XRN1: variants seen among roughly 807,000 people sequenced by gnomAD.
XRN1 encodes the protein 5'-3' exoribonuclease 1.
Under a neutral mutation model 222.3 loss-of-function variants are expected in XRN1, and 67 were observed. The observed-to-expected ratio is 0.30, with a 90% confidence interval of 0.25 to 0.37. XRN1 has a LOEUF of 0.37. Ranked by LOEUF, XRN1 falls within the 10% of genes least tolerant of loss-of-function variation. The pLI is 1.00. For missense variants in XRN1, 1,707 were observed against 2,000.2 expected, an observed-to-expected ratio of 0.85 and a Z score of 2.80; for synonymous variants, 643 against 652.4, an observed-to-expected ratio of 0.99 and a Z score of 0.22.
chr3:142,429,123 T>C (rs2069397555), intron 2 of XRN1, among the ~76,000 whole-genome samples: 1 of 151,828 alleles, frequency 6.6e-6, no homozygotes, highest in East Asian at 1.9e-4. Context: ...GAAAGAAGTA[T>C]TCTTTGGATT....
chr3:142,439,296 A>G (rs2070085970), intron 1 of XRN1, among the ~76,000 whole-genome samples: 1 of 152,206 alleles, frequency 6.6e-6, no homozygotes, highest in Admixed American at 6.5e-5. Flanking sequence ...AGTTAGGTCA[A>G]TGATAGGATG....
rs190062814 is a variant in XRN1, at chr3:142,382,709, T to C, written c.2616+591A>G. On this transcript the variant is annotated intron_variant, in intron 22 of 40. Coordinates refer to ENST00000392981, the MANE Select transcript of XRN1 (RefSeq NM_001282857.2). ...ATCTGGGTGGTACATGTGCTCATTG[T>C]GCTAAGGTGTCTTTGCTTCTTATTC... 2.6e-5 allele frequency among the ~76,000 whole-genome samples: 4 copies of C among 152,264 alleles called. No homozygotes were observed. The East Asian group carries it at 5.8e-4, about 22-fold the overall frequency.
intron 30 of XRN1, among the ~76,000 whole-genome samples, chr3:142,358,083 C>T (rs1361274597): frequency 2.0e-5 from 3 of 151,744 alleles, no homozygotes; most frequent in East Asian, 1.9e-4. Context: ...AACAAAAAAA[C>T]GAAAACTATG....
intron 20 of XRN1, among the ~76,000 whole-genome samples, chr3:142,394,682 C>T (rs901399858): frequency 6.6e-6 from 1 of 152,234 alleles, no homozygotes; most frequent in Non-Finnish European, 1.5e-5. Context: ...TTTAAGAATC[C>T]ATCTCCTTCC....
chr3:142,379,175 G>A (rs899170977), intron 23 of XRN1, among the ~76,000 whole-genome samples: 1 of 152,146 alleles, frequency 6.6e-6, no homozygotes, highest in Non-Finnish European at 1.5e-5. Context: ...GGAGGCTGAG[G>A]CAGGAGAATC....
chr3:142,383,405 T>C lies in XRN1; in HGVS notation c.2511A>G (p.Arg837=). Residue 837 remains arginine (R), a synonymous_variant, in exon 22 of 41, where the codon CGA becomes CGG. Coordinates refer to ENST00000392981, the MANE Select transcript of XRN1 (RefSeq NM_001282857.2). The part of the protein sequence containing the change: ...FVYQTIVKDI[R]AFDSRFSNIK... Reference sequence around the variant, plus strand: ...TATTGGAGAAACGGGAGTCGAAAGCTCGGATGTCCTACATAAAATAAAAGT... The same window carrying C: ...TATTGGAGAAACGGGAGTCGAAAGCCCGGATGTCCTACATAAAATAAAAGT... 6.2e-7 allele frequency: 1 copy of C among 1,611,230 alleles called. No individual in the cohort carries two copies. Among genetic ancestry groups the C allele is most frequent in the Non-Finnish European group, 8.5e-7 (1 of 1,178,636 alleles).
In XRN1 at chr3:142,437,604, T is replaced by A. The variant is rs76774118; in HGVS notation, c.76-4711A>T. 6.8e-3 allele frequency among the ~76,000 whole-genome samples: 1,029 copies of A among 152,302 alleles called. 16 individuals carry two copies. Among genetic ancestry groups the A allele is most frequent in the African/African-American group, 0.023 (973 of 41,566 alleles). On this transcript the variant is annotated intron_variant, in intron 1 of 40. Transcript: ENST00000392981. ...TTTACAAGCTACTACAAGAAAACAT[T>A]GAGGAAAATCTCTAGGACATTGGTC...
At chr3:142,332,674 G>GA (rs368630678) in intron 35 of XRN1, 140 bp from the exon 36 acceptor site, 42,344 of 607,630 alleles carry the variant, frequency 0.07, 42 homozygotes, top group East Asian at 0.092. Flanking sequence ...GATAGAAACT[G>GA]AAAAAAAAAA....
chr3:142,325,498 G>A (rs1318985415), intron 37 of XRN1, among the ~76,000 whole-genome samples: 1 of 151,960 alleles, frequency 6.6e-6, no homozygotes, highest in Non-Finnish European at 1.5e-5. Context: ...TATTGCATTT[G>A]CCCACTATCA....
intron 29 of XRN1, among the ~76,000 whole-genome samples, chr3:142,362,696 C>T (rs1486914084): frequency 1.3e-5 from 2 of 148,720 alleles, no homozygotes; most frequent in African/African-American, 5.0e-5. Flanking sequence ...TTTTCTCTCC[C>T]TCCCTTCTTT....
intron 25 of XRN1, among the ~76,000 whole-genome samples, chr3:142,373,291 C>T (rs561460567): frequency 6.6e-6 from 1 of 151,380 alleles, no homozygotes; most frequent in Non-Finnish European, 1.5e-5. Context: ...AATGAATTTC[C>T]CAAAGTAGAA....
At chr3:142,435,688 T>C (rs1375581546) in intron 1 of XRN1, among the ~76,000 whole-genome samples, 1 of 137,620 alleles carries the variant, frequency 7.3e-6, no homozygotes, top group African/African-American at 2.8e-5. Flanking sequence ...ACCTGGGAGG[T>C]GGAGGTTCCA....
At chr3:142,445,651 C>T (rs1300290767) in intron 1 of XRN1, among the ~76,000 whole-genome samples, 1 of 152,174 alleles carries the variant, frequency 6.6e-6, no homozygotes, top group Non-Finnish European at 1.5e-5. Context: ...CTTCTTGTCT[C>T]TATTGTCCCT....
At chr3:142,357,175 G>C in intron 30 of XRN1, 56 bp from the exon 31 acceptor site, 1 of 1,505,596 alleles carries the variant, frequency 6.6e-7, no homozygotes, top group Non-Finnish European at 9.0e-7. Context: ...ATGTGTTAGG[G>C]AGAAAAGTCA....
chr3:142,355,551 C>T, intron 31 of XRN1, 55 bp from the exon 32 acceptor site: 7 of 1,148,164 alleles, frequency 6.1e-6, no homozygotes, highest in Non-Finnish European at 7.6e-6. Flanking sequence ...AATAAAAATA[C>T]ATATTAAAAA....
intron 33 of XRN1, among the ~76,000 whole-genome samples, chr3:142,336,352 AT>A (rs370880510): frequency 8.6e-5 from 13 of 151,930 alleles, no homozygotes; most frequent in African/African-American, 3.1e-4. Flanking sequence ...ACTATAACTT[AT>A]TTTTACCACT....
At chr3:142,385,250 A>G (rs567033950) in intron 20 of XRN1, among the ~76,000 whole-genome samples, 1 of 152,332 alleles carries the variant, frequency 6.6e-6, no homozygotes, top group East Asian at 1.9e-4. Flanking sequence ...ATGGATAAAC[A>G]AACAGTGGCA....
At chr3:142,336,966 G>A (rs1417957832) in intron 33 of XRN1, among the ~76,000 whole-genome samples, 1 of 151,628 alleles carries the variant, frequency 6.6e-6, no homozygotes. Flanking sequence ...TTAAAAAAAG[G>A]TATAGCACTT....
chr3:142,335,575 T>C, intron 33 of XRN1, 66 bp from the exon 34 acceptor site: 1 of 1,353,656 alleles, frequency 7.4e-7, no homozygotes, highest in Non-Finnish European at 1.0e-6. Context: ...AACTACCAAA[T>C]ATTTATAATA....
Sources: allele counts gnomAD v4.1 joint callset (sites outside exome capture counted in the v4.1 genomes callset), GRCh38; gene constraint gnomAD v4.1.1; transcripts MANE v1.5; gene names NCBI Gene and HGNC (gene_info 2026-07-23, HGNC 2026-07-21).